CORO2B: variants seen among roughly 807,000 people sequenced by gnomAD.
CORO2B encodes coronin 2B.
In CORO2B, 26 loss-of-function variants were observed where a neutral mutation model predicts 58.8. The observed-to-expected ratio is 0.44, with a 90% CI of 0.32 to 0.61. The LOEUF (loss-of-function observed/expected upper bound fraction) is 0.61. Ranked by LOEUF, CORO2B falls within the 20% of genes least tolerant of loss-of-function variation. The pLI, the probability that CORO2B is intolerant of heterozygous loss-of-function variation, is 0.04. For missense variants in CORO2B, 460 were observed against 645.1 expected (o/e 0.71, Z 3.11); for synonymous variants, 242 against 253.8 (o/e 0.95, Z 0.44).
chr15:68,643,991 C>T (rs188235921), intron 1 of CORO2B, among the ~76,000 whole-genome samples: 32 of 152,120 alleles, frequency 2.1e-4, no homozygotes, highest in Admixed American at 1.4e-3. Context: ...GAGCCGAGAT[C>T]GCACCATTGC....
chr15:68,603,623 C>T (rs1900036677), intron 1 of CORO2B, among the ~76,000 whole-genome samples: 1 of 152,010 alleles, frequency 6.6e-6, no homozygotes, highest in Non-Finnish European at 1.5e-5. Context: ...AAGGCAGAGC[C>T]CTGGCCCAGT....
intron 1 of CORO2B, among the ~76,000 whole-genome samples, chr15:68,597,430 GT>G (rs1004836257): frequency 1.3e-5 from 2 of 152,188 alleles, no homozygotes; most frequent in African/African-American, 4.8e-5. Flanking sequence ...GGCTTCTACT[GT>G]TATGCCCATT....
intron 1 of CORO2B, among the ~76,000 whole-genome samples, chr15:68,629,363 G>A (rs1291609562): frequency 1.3e-5 from 2 of 152,226 alleles, no homozygotes; most frequent in Non-Finnish European, 2.9e-5. Flanking sequence ...CACTCACTGA[G>A]CCTGGAGCTG....
intron 1 of CORO2B, among the ~76,000 whole-genome samples, chr15:68,610,004 C>T (rs118015140): frequency 2.6e-3 from 392 of 152,322 alleles, no homozygotes; most frequent in Non-Finnish European, 4.2e-3. Flanking sequence ...CCCTCCTTCT[C>T]TTGATAAAAC....
the CORO2B span, among the ~76,000 whole-genome samples, chr15:68,532,047 C>T: frequency 6.6e-6 from 1 of 151,834 alleles, no homozygotes; most frequent in African/African-American, 2.4e-5. Flanking sequence ...AATCTATTTT[C>T]CTCTGACATA....
At chr15:68,595,126 G>A (rs1341235852) in intron 1 of CORO2B, among the ~76,000 whole-genome samples, 1 of 152,238 alleles carries the variant, frequency 6.6e-6, no homozygotes, top group African/African-American at 2.4e-5. Context: ...CAACTCTGCA[G>A]CATTCGAGGC....
At chr15:68,663,243 T>TA (rs1277154952) in intron 2 of CORO2B, among the ~76,000 whole-genome samples, 2 of 152,252 alleles carry the variant, frequency 1.3e-5, no homozygotes, top group East Asian at 3.8e-4. Context: ...TGCTCATTTT[T>TA]ATAGCTACAC....
chr15:68,714,815 T>G (rs1197926315), intron 7 of CORO2B, 152 bp downstream of exon 7: 2 of 642,914 alleles, frequency 3.1e-6, no homozygotes, highest in Non-Finnish European at 5.5e-6. Flanking sequence ...CCCTCAAGTC[T>G]GACACCCATT....
the CORO2B span, among the ~76,000 whole-genome samples, chr15:68,573,443 G>A: frequency 2.0e-5 from 3 of 152,124 alleles, no homozygotes; most frequent in African/African-American, 7.2e-5. Flanking sequence ...TGAAGGTCAA[G>A]GGGATGGCAG....
At chr15:68,535,757 C>A in the CORO2B span, among the ~76,000 whole-genome samples, 1 of 152,246 alleles carries the variant, frequency 6.6e-6, no homozygotes, top group African/African-American at 2.4e-5. Context: ...ATGTCATCTA[C>A]AAGCAGTATG....
intron 6 of CORO2B, 32 bp downstream of exon 6, chr15:68,714,073 C>G (rs1892977950): frequency 6.9e-7 from 1 of 1,456,696 alleles, no homozygotes; most frequent in African/African-American, 1.4e-5. Flanking sequence ...TGGGTTTGGG[C>G]TAAAGGAAGC....
At chr15:68,535,426 A>C in the CORO2B span, among the ~76,000 whole-genome samples, 1 of 152,258 alleles carries the variant, frequency 6.6e-6, no homozygotes, top group Admixed American at 6.5e-5. Context: ...ACTAATTACA[A>C]AGATAAGTCA....
At chr15:68,554,215 AT>A in the CORO2B span, among the ~76,000 whole-genome samples, 1 of 152,088 alleles carries the variant, frequency 6.6e-6, no homozygotes, top group African/African-American at 2.4e-5. Flanking sequence ...TATTGGTCAT[AT>A]TTGGGGAGGT....
chr15:68,654,171 T>G (rs546970603), intron 2 of CORO2B, among the ~76,000 whole-genome samples: 1 of 152,362 alleles, frequency 6.6e-6, no homozygotes, highest in South Asian at 2.1e-4. Flanking sequence ...GAAGAATGGC[T>G]GCTGATTTTT....
At chr15:68,604,445 C>G (rs545309643) in intron 1 of CORO2B, among the ~76,000 whole-genome samples, 42 of 152,080 alleles carry the variant, frequency 2.8e-4, no homozygotes, top group African/African-American at 1.0e-3. Context: ...CTGAGGATAG[C>G]CCTAAGAATG....
intron 3 of CORO2B, among the ~76,000 whole-genome samples, chr15:68,701,276 A>G (rs1892636376): frequency 6.6e-6 from 1 of 151,706 alleles, no homozygotes; most frequent in Non-Finnish European, 1.5e-5. Context: ...TGCCACTTCC[A>G]GGCTCTGCGA....
At chr15:68,563,963 A>G in the CORO2B span, among the ~76,000 whole-genome samples, 1 of 152,252 alleles carries the variant, frequency 6.6e-6, no homozygotes, top group African/African-American at 2.4e-5. Context: ...AATTCTTCTC[A>G]GATTCTTCCA....
chr15:68,521,762 G>GT, the CORO2B span, among the ~76,000 whole-genome samples: 7,017 of 144,292 alleles, frequency 0.049, 246 homozygotes, highest in Non-Finnish European at 0.074. Flanking sequence ...TTTCTTTTTT[G>GT]TTTTTTTTTT....
intron 1 of CORO2B, among the ~76,000 whole-genome samples, chr15:68,614,279 G>T (rs1201579323): frequency 6.6e-6 from 1 of 152,226 alleles, no homozygotes; most frequent in Non-Finnish European, 1.5e-5. Context: ...TATAGAGATA[G>T]TTGCAAGTGG....
Sources: allele counts gnomAD v4.1 joint callset (sites outside exome capture counted in the v4.1 genomes callset), GRCh38; gene constraint gnomAD v4.1.1; transcripts MANE v1.5; gene names NCBI Gene and HGNC (gene_info 2026-07-23, HGNC 2026-07-21).